KIAA0825: variants seen among roughly 807,000 people sequenced by gnomAD.
KIAA0825 encodes uncharacterized protein KIAA0825.
Under a neutral mutation model 147.6 loss-of-function variants are expected in KIAA0825, and 119 were observed. That is an observed-to-expected ratio of 0.81 (90% CI 0.69 to 0.94). The LOEUF (loss-of-function observed/expected upper bound fraction) is 0.94, where lower values mean the gene tolerates loss of function less well. Ranked by LOEUF, KIAA0825 falls within the 40% of genes least tolerant of loss-of-function variation. The pLI is 0.00. For synonymous variants in KIAA0825, 470 were observed against 518.1 expected (o/e 0.91, Z 1.26); for missense variants, 1,381 against 1,472.7 (o/e 0.94, Z 1.02).
chr5:94,195,243 G>A (rs1028647705), intron 20 of KIAA0825, among the ~76,000 whole-genome samples: 1 of 152,040 alleles, frequency 6.6e-6, no homozygotes, highest in Non-Finnish European at 1.5e-5. Flanking sequence ...ACAAGATAAG[G>A]CAGAAATAAA....
At chr5:94,407,761 G>A (rs763639549) in intron 15 of KIAA0825, among the ~76,000 whole-genome samples, 7 of 152,144 alleles carry the variant, frequency 4.6e-5, no homozygotes, top group Non-Finnish European at 8.8e-5. Flanking sequence ...GCTGATGGTT[G>A]CACAGTTCTG....
intron 20 of KIAA0825, among the ~76,000 whole-genome samples, chr5:94,309,333 T>C (rs1003203327): frequency 6.6e-6 from 1 of 151,394 alleles, no homozygotes; most frequent in African/African-American, 2.4e-5. Context: ...GCTGTGAGAG[T>C]TCAGAGGAGG....
At chr5:94,561,081 C>A (rs867909184) in intron 2 of KIAA0825, among the ~76,000 whole-genome samples, 1 of 152,190 alleles carries the variant, frequency 6.6e-6, no homozygotes, top group African/African-American at 2.4e-5. Flanking sequence ...CAGCTCCACT[C>A]CCTCTAACTC....
intron 20 of KIAA0825, among the ~76,000 whole-genome samples, chr5:94,347,773 T>C (rs1471066319): frequency 6.6e-6 from 1 of 152,078 alleles, no homozygotes; most frequent in Non-Finnish European, 1.5e-5. Flanking sequence ...TCACCAGCAA[T>C]GGATCCAAAC....
intron 20 of KIAA0825, among the ~76,000 whole-genome samples, chr5:94,287,901 T>A (rs949303712): frequency 2.0e-5 from 3 of 152,132 alleles, no homozygotes; most frequent in African/African-American, 7.2e-5. Flanking sequence ...CCATCGGACA[T>A]CCTTGAGGTG....
intron 20 of KIAA0825, among the ~76,000 whole-genome samples, chr5:94,317,362 A>C (rs1779752051): frequency 6.6e-6 from 1 of 151,910 alleles, no homozygotes. Context: ...CAAAGCATGA[A>C]GATGCCAGTT....
At chr5:94,499,281 C>T (rs1764746236) in intron 5 of KIAA0825, among the ~76,000 whole-genome samples, 1 of 152,120 alleles carries the variant, frequency 6.6e-6, no homozygotes, top group African/African-American at 2.4e-5. Flanking sequence ...TTGTGCCTTC[C>T]AAGTAAACTC....
intron 20 of KIAA0825, among the ~76,000 whole-genome samples, chr5:94,277,965 A>T (rs942136896): frequency 2.0e-5 from 3 of 152,160 alleles, no homozygotes; most frequent in Non-Finnish European, 4.4e-5. Context: ...CCTTGCAGGG[A>T]CATGGATGAA....
At chr5:94,190,712 AT>A (rs963003984) in intron 20 of KIAA0825, among the ~76,000 whole-genome samples, 5 of 150,512 alleles carry the variant, frequency 3.3e-5, no homozygotes, top group East Asian at 1.9e-4. Flanking sequence ...CAATGACTAC[AT>A]TTTTTTTTCT....
intron 20 of KIAA0825, among the ~76,000 whole-genome samples, chr5:94,256,393 CA>C (rs1180946501): frequency 6.6e-6 from 1 of 152,084 alleles, no homozygotes; most frequent in Non-Finnish European, 1.5e-5. Context: ...TTAGGATAAT[CA>C]CTATCTTTTC....
chr5:94,188,248 C>T (rs926447556), intron 20 of KIAA0825, among the ~76,000 whole-genome samples: 1 of 152,080 alleles, frequency 6.6e-6, no homozygotes, highest in African/African-American at 2.4e-5. Context: ...AGACAGTACA[C>T]CAGAAAATAA....
chr5:94,556,097 G>A (rs1448717977), intron 2 of KIAA0825, among the ~76,000 whole-genome samples: 1 of 151,266 alleles, frequency 6.6e-6, no homozygotes. Context: ...CTGTTGCCCA[G>A]GCTGGAGTGC....
At chr5:94,438,537 A>C (rs1259818945) in intron 14 of KIAA0825, among the ~76,000 whole-genome samples, 2 of 152,046 alleles carry the variant, frequency 1.3e-5, no homozygotes, top group Non-Finnish European at 2.9e-5. Context: ...AGGGCTTGGG[A>C]GGGAGCAAGC....
At chr5:94,187,660 C>T (rs955735406) in intron 20 of KIAA0825, among the ~76,000 whole-genome samples, 1 of 151,894 alleles carries the variant, frequency 6.6e-6, no homozygotes, top group African/African-American at 2.4e-5. Context: ...CTCCTGACCT[C>T]GCGATCCGCC....
At chr5:94,469,601 A>G (rs963442108) in intron 10 of KIAA0825, among the ~76,000 whole-genome samples, 2 of 152,228 alleles carry the variant, frequency 1.3e-5, no homozygotes, top group African/African-American at 4.8e-5. Flanking sequence ...GAAAAAATGC[A>G]AGGATATCCA....
chr5:94,325,225 C>T (rs1780567648), intron 20 of KIAA0825, among the ~76,000 whole-genome samples: 1 of 151,840 alleles, frequency 6.6e-6, no homozygotes, highest in Non-Finnish European at 1.5e-5. Flanking sequence ...AGAACATGGA[C>T]CTATGGTATA....
intron 5 of KIAA0825, 59 bp from the exon 6 acceptor site, chr5:94,484,989 A>G: frequency 1.7e-6 from 2 of 1,200,106 alleles, no homozygotes; most frequent in Admixed American, 3.1e-5. Context: ...AGTAAATATT[A>G]GAATGATCTG....
intron 20 of KIAA0825, among the ~76,000 whole-genome samples, chr5:94,165,812 A>G (rs900222934): frequency 3.3e-5 from 5 of 152,196 alleles, no homozygotes; most frequent in African/African-American, 1.2e-4. Flanking sequence ...AAACAATTGA[A>G]CTCATGGACA....
At chr5:94,404,088 C>G (rs570634445) in intron 15 of KIAA0825, among the ~76,000 whole-genome samples, 1 of 152,222 alleles carries the variant, frequency 6.6e-6, no homozygotes, top group African/African-American at 2.4e-5. Context: ...GACAACTTGG[C>G]AATAATGTCA....
Sources: allele counts gnomAD v4.1 joint callset (sites outside exome capture counted in the v4.1 genomes callset), GRCh38; gene constraint gnomAD v4.1.1; transcripts MANE v1.5; gene names NCBI Gene and HGNC (gene_info 2026-07-23, HGNC 2026-07-21).